NOL4: variants seen among roughly 807,000 people sequenced by gnomAD.
The protein encoded by NOL4 is nucleolar protein 4.
In NOL4, 17 loss-of-function variants were observed where a neutral mutation model predicts 75.9. The ratio of observed to expected loss-of-function variants is 0.22; its 90% confidence interval spans 0.15 to 0.34. The LOEUF (loss-of-function observed/expected upper bound fraction) is 0.34. Ranked by LOEUF, NOL4 falls within the 10% of genes least tolerant of loss-of-function variation. The pLI is 1.00. For synonymous variants in NOL4, 292 were observed against 289.9 expected (o/e 1.01, Z -0.07); for missense variants, 614 against 793.5 (o/e 0.77, Z 2.72).
intron 1 of NOL4, among the ~76,000 whole-genome samples, chr18:34,209,077 G>T (rs567827904): frequency 2.0e-5 from 3 of 150,942 alleles, no homozygotes; most frequent in East Asian, 3.9e-4. Flanking sequence ...TGGGCGTGAT[G>T]GTGGGTGCCT....
intron 5 of NOL4, among the ~76,000 whole-genome samples, chr18:34,070,195 C>A (rs989518179): frequency 1.3e-5 from 2 of 152,208 alleles, no homozygotes; most frequent in African/African-American, 2.4e-5. Context: ...CTGCGCCCAG[C>A]TAATTTTTTG....
intron 5 of NOL4, among the ~76,000 whole-genome samples, chr18:34,020,759 A>T (rs905744136): frequency 2.7e-5 from 4 of 150,510 alleles, no homozygotes; most frequent in Non-Finnish European, 5.9e-5. Context: ...CAATTTTGTT[A>T]AAAAAAAACA....
At chr18:34,014,077 C>A (rs1315287283) in intron 6 of NOL4, among the ~76,000 whole-genome samples, 1 of 151,870 alleles carries the variant, frequency 6.6e-6, no homozygotes, top group Admixed American at 6.6e-5. Context: ...AAGACAATTT[C>A]TTTTTTTAAA....
chr18:33,871,765 C>T (rs2144503261), intron 10 of NOL4, among the ~76,000 whole-genome samples: 1 of 152,086 alleles, frequency 6.6e-6, no homozygotes, highest in African/African-American at 2.4e-5. Flanking sequence ...TTTTAGGAAG[C>T]TGCTGCCAGA....
At position 34,211,109 on chromosome 18, in the gene NOL4, A is replaced by C. The variant is rs542913525; in HGVS notation, c.264+11881T>G. 5.1e-5 allele frequency among the ~76,000 whole-genome samples: 6 copies of C among 116,512 alleles called. 1 individual carries two copies. The East Asian group carries it at 1.1e-3, about 22-fold the overall frequency. 76.4% of individuals were successfully genotyped at this position (116,512 alleles called of 152,430 possible). On this transcript the variant is annotated intron_variant, in intron 1 of 10. Transcript: ENST00000261592. ...GAAAGGAGGGAAGGAAGAAGGAAGG[A>C]AAGAAGGAAGGAAGGAAGGAAGGAA... is the stretch of plus-strand genomic sequence containing the variant.
intron 5 of NOL4, among the ~76,000 whole-genome samples, chr18:34,046,174 C>T (rs969323906): frequency 5.9e-5 from 9 of 152,124 alleles, no homozygotes; most frequent in African/African-American, 1.7e-4. Flanking sequence ...AAGACCTTGG[C>T]GACCTGAAGA....
chr18:33,861,770 G>T (rs1323549012), intron 10 of NOL4, among the ~76,000 whole-genome samples: 2 of 151,970 alleles, frequency 1.3e-5, no homozygotes, highest in East Asian at 3.9e-4. Flanking sequence ...AAATAAAAGA[G>T]GATACAAACA....
intron 9 of NOL4, among the ~76,000 whole-genome samples, chr18:33,898,139 C>T (rs112531210): frequency 0.13 from 19,933 of 152,144 alleles, 1,441 homozygotes; most frequent in Non-Finnish European, 0.17. Context: ...TCTCAAACTC[C>T]TGAGCTCAAG....
At chr18:34,102,745 T>C (rs968981197) in intron 4 of NOL4, among the ~76,000 whole-genome samples, 2 of 151,974 alleles carry the variant, frequency 1.3e-5, no homozygotes, top group African/African-American at 2.4e-5. Context: ...CAGCTCTAAC[T>C]AGTTAATGAG....
At chr18:34,091,086 A>T (rs2078494527) in intron 5 of NOL4, among the ~76,000 whole-genome samples, 1 of 151,880 alleles carries the variant, frequency 6.6e-6, no homozygotes. Flanking sequence ...ACAGTGACTC[A>T]TGCCTGTAAT....
intron 5 of NOL4, among the ~76,000 whole-genome samples, chr18:34,067,074 A>G (rs2077310984): frequency 1.3e-5 from 2 of 152,148 alleles, no homozygotes; most frequent in Admixed American, 6.6e-5. Context: ...ACAAAATACT[A>G]AAGTAAGTTA....
rs558142054 is a variant in NOL4 at position 34,223,374 on chromosome 18, G to C, written c.-121C>G. On this transcript the variant is annotated 5_prime_UTR_variant, in exon 1 of 11. Transcript: ENST00000261592. ...GGATGCGAGGTCCCGGCCGCAGCGG[G>C]AGCCTGCTTTGGGTGGGGGAAGGGA... 8 of 1,431,164 alleles carry C rather than the reference G, an allele frequency of 5.6e-6. No homozygotes were observed. The East Asian group carries it at 1.6e-4, about 29-fold the overall frequency. 88.7% of individuals were successfully genotyped at this position (1,431,164 alleles called of 1,614,324 possible).
intron 6 of NOL4, among the ~76,000 whole-genome samples, chr18:34,005,303 G>A (rs1011544416): frequency 2.0e-5 from 3 of 151,796 alleles, no homozygotes; most frequent in Admixed American, 6.6e-5. Flanking sequence ...CCATCTTTTC[G>A]TGTACTTTGG....
At chr18:33,873,994 T>C (rs1567987353) in intron 10 of NOL4, among the ~76,000 whole-genome samples, 1 of 151,880 alleles carries the variant, frequency 6.6e-6, no homozygotes, top group Non-Finnish European at 1.5e-5. Flanking sequence ...AGACAGGTAA[T>C]AGTATGCACG....
chr18:34,223,336 G>C lies in NOL4; in HGVS notation c.-83C>G. 1 of 1,540,016 alleles carries C rather than the reference G, an allele frequency of 6.5e-7. No homozygotes were observed. The highest frequency in any genetic ancestry group is 8.7e-7 in the Non-Finnish European group (1 of 1,146,622). On this transcript the variant is annotated 5_prime_UTR_variant, in exon 1 of 11. Transcript: ENST00000261592. ...CTAGGCTCATGAAAAATGCAGCCCC[G>C]GCCACGTTGCAGGGATGCGAGGTCC...
chr18:34,111,877 A>G (rs1424955371), intron 2 of NOL4, among the ~76,000 whole-genome samples: 1 of 152,206 alleles, frequency 6.6e-6, no homozygotes, highest in African/African-American at 2.4e-5. Flanking sequence ...AGCCTTGTAC[A>G]CTACTGGTGA....
rs2032290514 is a variant in NOL4 at position 34,166,022 on chromosome 18, T to C, written c.265-36002A>G. 2.6e-5 allele frequency among the ~76,000 whole-genome samples: 4 copies of C among 152,066 alleles called. 1 individual carries two copies. The highest frequency in any genetic ancestry group is 2.6e-4 in the Admixed American group (4 of 15,270). ...TTTACAAAATATGTCTTTCCAAAAG[T>C]TGGGAAATTTTCACCGATTCTTAAA... is the stretch of plus-strand genomic sequence containing the variant. On this transcript the variant is annotated intron_variant, in intron 1 of 10. Transcript: ENST00000261592.
chr18:34,135,143 A>G (rs1159174500), intron 1 of NOL4, among the ~76,000 whole-genome samples: 1 of 152,308 alleles, frequency 6.6e-6, no homozygotes, highest in East Asian at 1.9e-4. Flanking sequence ...AACTTTTTAA[A>G]TGACAAAGTT....
intron 10 of NOL4, among the ~76,000 whole-genome samples, chr18:33,854,458 C>G (rs999184915): frequency 5.9e-5 from 9 of 152,080 alleles, no homozygotes; most frequent in African/African-American, 2.2e-4. Context: ...AATCATGAGA[C>G]TGACACGACA....
Sources: allele counts gnomAD v4.1 joint callset (sites outside exome capture counted in the v4.1 genomes callset), GRCh38; gene constraint gnomAD v4.1.1; transcripts MANE v1.5; gene names NCBI Gene and HGNC (gene_info 2026-07-23, HGNC 2026-07-21).